The following ECSIT variants were observed in gnomAD, a reference collection of about 807,000 sequenced individuals.
ECSIT encodes the protein ECSIT signaling integrator, also known as evolutionarily conserved signaling intermediate in Toll pathway, mitochondrial.
ECSIT carries 29 observed loss-of-function variants against 36.8 expected under a neutral mutation model. That is an observed-to-expected ratio of 0.79 (90% CI 0.59 to 1.08). The LOEUF (loss-of-function observed/expected upper bound fraction) is 1.08. ECSIT is among the 50% of genes least tolerant of loss of function. ECSIT has a pLI of 0.00. For synonymous variants in ECSIT, 231 were observed against 234.8 expected, an observed-to-expected ratio of 0.98 and a Z score of 0.15; for missense variants, 542 against 581.0, an observed-to-expected ratio of 0.93 and a Z score of 0.69.
intron 2 of ECSIT, among the ~76,000 whole-genome samples, chr19:11,515,538 C>A (rs1971980923): frequency 6.6e-6 from 1 of 151,156 alleles, no homozygotes; most frequent in African/African-American, 2.4e-5. Context: ...CTCACTGCAA[C>A]CTCTGCCTTG....
At chr19:11,527,300 C>T (rs971945188) in intron 1 of ECSIT, among the ~76,000 whole-genome samples, 2 of 152,088 alleles carry the variant, frequency 1.3e-5, no homozygotes, top group Non-Finnish European at 2.9e-5. Context: ...CCAGTCTGGG[C>T]GACAGAGCGA....
chr19:11,513,959 T>C lies in ECSIT; in HGVS notation c.359A>G (p.Tyr120Cys). The C allele has an allele frequency of 6.2e-7, 1 of 1,614,226 alleles. No individual in the cohort carries two copies. The highest frequency in any genetic ancestry group is 8.5e-7 in the Non-Finnish European group (1 of 1,180,038). ...IYLALRKMRE[Y>C]GVERDLAVYN... ...CACAGCCAGGTCCCGCTCGACACCATACTCCCGCATCTTGCGCAGGGCCAG... is the reference window on the plus strand; with the variant it reads ...CACAGCCAGGTCCCGCTCGACACCACACTCCCGCATCTTGCGCAGGGCCAG... Residue 120 changes from tyrosine (Y) to cysteine (C), a missense_variant, in exon 3 of 8, where the codon TAT becomes TGT. Coordinates refer to ENST00000270517, the MANE Select transcript of ECSIT (RefSeq NM_016581.5).
At chr19:11,512,977 G>T in intron 4 of ECSIT, 79 bp downstream of exon 4, 1 of 1,375,722 alleles carries the variant, frequency 7.3e-7, no homozygotes, top group African/African-American at 1.4e-5. Flanking sequence ...TCACTAGAGT[G>T]AGAGAAGGGG....
At chr19:11,515,196 C>A (rs1217591999) in intron 2 of ECSIT, among the ~76,000 whole-genome samples, 2 of 151,476 alleles carry the variant, frequency 1.3e-5, no homozygotes, top group South Asian at 2.1e-4. Flanking sequence ...CTCCACCTCC[C>A]GGGTTCACGC....
intron 2 of ECSIT, among the ~76,000 whole-genome samples, chr19:11,516,592 G>A (rs1972002588): frequency 1.3e-5 from 2 of 151,916 alleles, no homozygotes; most frequent in African/African-American, 2.4e-5. Flanking sequence ...ATCCCAGGCT[G>A]CAGTGAGCTA....
intron 2 of ECSIT, among the ~76,000 whole-genome samples, chr19:11,515,249 G>A (rs190107805): frequency 1.3e-4 from 20 of 151,570 alleles, no homozygotes; most frequent in African/African-American, 4.4e-4. Context: ...GACTACAGGC[G>A]CCTGCCACCA....
intron 2 of ECSIT, among the ~76,000 whole-genome samples, chr19:11,517,557 C>T (rs1972022230): frequency 6.6e-6 from 1 of 152,072 alleles, no homozygotes; most frequent in African/African-American, 2.4e-5. Flanking sequence ...GATCACGCCA[C>T]TGCACTCCAG....
intron 2 of ECSIT, among the ~76,000 whole-genome samples, chr19:11,516,522 G>A (rs1972001011): frequency 6.6e-6 from 1 of 151,926 alleles, no homozygotes; most frequent in Non-Finnish European, 1.5e-5. Flanking sequence ...GCGTGGTGGT[G>A]TATACCTGTA....
At chr19:11,528,337 A>G (rs1303196827) in intron 1 of ECSIT, among the ~76,000 whole-genome samples, 2 of 152,132 alleles carry the variant, frequency 1.3e-5, no homozygotes, top group Admixed American at 6.6e-5. Context: ...CTACAGCCTC[A>G]ACCTCCTGGG....
Position 11,507,828 on chromosome 19 carries a change from C to T in ECSIT, c.819G>A (p.Gln273=). ...CTGGATTGTGGCGGGCCAGGGCGGC[C>T]TGCTGATCGGGACTCTGGATTCCTG... The part of the protein sequence containing the change: ...HIVGIQSPDQ[Q]AALARHNPAR... The change falls in exon 6 of 8, where the codon CAG becomes CAA. Residue 273 remains glutamine, a synonymous_variant. Transcript: ENST00000270517. The T allele has an allele frequency of 1.2e-6, 2 of 1,613,478 alleles. No homozygotes were observed. The highest frequency in any genetic ancestry group is 1.7e-6 in the Non-Finnish European group (2 of 1,179,978).
At chr19:11,514,839 AT>A (rs35947860) in intron 2 of ECSIT, among the ~76,000 whole-genome samples, 5,181 of 136,188 alleles carry the variant, frequency 0.038, 244 homozygotes, top group African/African-American at 0.12. Flanking sequence ...TTTGCTTGTA[AT>A]TTTTTTTTTT....
At chr19:11,515,570 C>T (rs1971981984) in intron 2 of ECSIT, among the ~76,000 whole-genome samples, 1 of 152,110 alleles carries the variant, frequency 6.6e-6, no homozygotes. Context: ...GATTCTCCTG[C>T]CTCAGCCTCC....
At chr19:11,515,332 T>A (rs562549727) in intron 2 of ECSIT, among the ~76,000 whole-genome samples, 2 of 151,924 alleles carry the variant, frequency 1.3e-5, no homozygotes, top group Non-Finnish European at 2.9e-5. Context: ...CTCGATCTCC[T>A]GACCTCGTGA....
In ECSIT at chr19:11,513,690, A is replaced by G. The variant is rs967748135; in HGVS notation, c.514+114T>C. 6 of 1,266,050 alleles carry G rather than the reference A, an allele frequency of 4.7e-6. No homozygotes were observed. In the African/African-American group the frequency reaches 8.8e-5, roughly 19 times the overall value. The allele number at this position is 1,266,050 out of a possible 1,614,324, so 78.4% of individuals were successfully genotyped here. Reference sequence around the variant, plus strand: ...AAAGAGGGATTCGGAGAGGGAGAAGAGCGAGAGAGACAGAGACGGAGCCAT... The same window carrying G: ...AAAGAGGGATTCGGAGAGGGAGAAGGGCGAGAGAGACAGAGACGGAGCCAT... On this transcript the variant is annotated intron_variant, in intron 3 of 7. Coordinates refer to ENST00000270517, the MANE Select transcript of ECSIT (RefSeq NM_016581.5).
In ECSIT at chr19:11,514,506, GT is replaced by G. The variant is rs1240203708; in HGVS notation, c.97-286del. 1.0e-3 allele frequency among the ~76,000 whole-genome samples: 150 copies of G among 143,540 alleles called. 1 individual carries two copies. The highest frequency in any genetic ancestry group is 6.9e-3 in the East Asian group (35 of 5,098). 94.2% of individuals were successfully genotyped at this position (143,540 alleles called of 152,430 possible). A position where few individuals can be genotyped will look rare whatever the true frequency, so the allele number is the denominator to read the frequency against. On this transcript the variant is annotated intron_variant, in intron 2 of 7. Transcript: ENST00000270517. ...TCACAGTGATGACACACACATGCCG[GT>G]TTTTTTTTGGGTTTTTTTTTTTGGT...
chr19:11,513,988 G>T lies in ECSIT; in HGVS notation c.330C>A (p.Ile110=), dbSNP rs1281700145. Residue 110 remains isoleucine, a synonymous_variant, in exon 3 of 8, where the codon ATC becomes ATA. Coordinates refer to ENST00000270517, the MANE Select transcript of ECSIT (RefSeq NM_016581.5). The stretch of plus-strand genomic sequence containing the variant: ...CCCGCATCTTGCGCAGGGCCAGGTA[G>T]ATGAAGTCAATGTGGCCCCGCTTAC... ...SVRKRGHIDF[I]YLALRKMREY... is the part of the protein sequence containing the mutation. 1 of 1,614,126 alleles carries T rather than the reference G, an allele frequency of 6.2e-7. No homozygotes were observed. Among genetic ancestry groups the T allele is most frequent in the African/African-American group, 1.3e-5 (1 of 74,944 alleles).
intron 2 of ECSIT, among the ~76,000 whole-genome samples, chr19:11,514,666 T>C (rs1478326434): frequency 6.6e-6 from 1 of 151,842 alleles, no homozygotes; most frequent in Non-Finnish European, 1.5e-5. Context: ...GAACTACCGG[T>C]GTACACCACC....
At chr19:11,528,603 A>G (rs780047746) in intron 1 of ECSIT, 6 of 152,218 alleles carry the variant, frequency 3.9e-5, no homozygotes, top group Non-Finnish European at 7.3e-5. Flanking sequence ...ATTTTTATCT[A>G]TCTTCCTCAT....
rs1971771383 is a variant in ECSIT at position 11,507,446 on chromosome 19, C to T, written c.1051+11G>A. The T allele has an allele frequency of 6.2e-7, 1 of 1,611,576 alleles. No homozygotes were observed. Among genetic ancestry groups the T allele is most frequent in the African/African-American group, 1.3e-5 (1 of 74,796 alleles). ...ACACATGTGAGCCACCGCACCTGGC[C>T]CAGTTTTTACCTTCATTGATGTCAA... On this transcript the variant is annotated intron_variant, in intron 7 of 7. Coordinates refer to ENST00000270517, the MANE Select transcript of ECSIT (RefSeq NM_016581.5).
Sources: allele counts gnomAD v4.1 joint callset (sites outside exome capture counted in the v4.1 genomes callset), GRCh38; gene constraint gnomAD v4.1.1; transcripts MANE v1.5; gene names NCBI Gene and HGNC (gene_info 2026-07-23, HGNC 2026-07-21).